ZNF148: variants seen among roughly 807,000 people sequenced by gnomAD.
ZNF148 encodes zinc finger protein 148, also known as Beta-Enolase Repressor Factor-1.
Under a neutral mutation model 67.7 loss-of-function variants are expected in ZNF148, and 7 were observed. The ratio of observed to expected loss-of-function variants is 0.10; its 90% CI spans 0.06 to 0.19. ZNF148 has a LOEUF of 0.19. Among genes scored for constraint, ZNF148 ranks in the 10% least tolerant of loss-of-function variants. ZNF148 has a pLI of 1.00. For missense variants in ZNF148, 583 were observed against 947.1 expected, an observed-to-expected ratio of 0.62 and a Z score of 5.05; for synonymous variants, 333 against 330.7, an observed-to-expected ratio of 1.01 and a Z score of -0.08.
rs749851137 is a variant in ZNF148 at position 125,232,763 on chromosome 3, G to A, written c.1963C>T (p.Pro655Ser). The A allele has an allele frequency of 3.7e-6, 6 of 1,613,778 alleles. No homozygotes were observed. The highest frequency in any genetic ancestry group is 5.1e-6 in the Non-Finnish European group (6 of 1,179,852). The change falls in exon 9 of 9, where the codon CCC becomes TCC. Residue 655 changes from proline (P) to serine (S), a missense_variant. Physicochemically the swap from Pro to Ser is moderately conservative, Grantham distance 74. Coordinates refer to ENST00000360647, the MANE Select transcript of ZNF148 (RefSeq NM_021964.3). This position sits in a 1 kb window ranked among gnomAD's most constrained non-coding sequence, Gnocchi z 4.2. ...SIDKQVYATMPINSFRSGMNS... is the reference protein window; with the variant it reads ...SIDKQVYATMSINSFRSGMNS... ...ATTCCTGATCGAAAGCTATTGATGGGCATGGTGGCATAGACCTGCTTGTCT... is the reference window on the plus strand; with the variant it reads ...ATTCCTGATCGAAAGCTATTGATGGACATGGTGGCATAGACCTGCTTGTCT...
At chr3:125,279,051 C>A in intron 6 of ZNF148, 73 bp downstream of exon 6, 1 of 1,430,372 alleles carries the variant, frequency 7.0e-7, no homozygotes, top group South Asian at 1.6e-5. Flanking sequence ...GAATGAATGA[C>A]AGTTACACGA....
intron 7 of ZNF148, among the ~76,000 whole-genome samples, chr3:125,276,916 G>A (rs998529923): frequency 1.3e-5 from 2 of 152,136 alleles, no homozygotes; most frequent in Non-Finnish European, 2.9e-5. Context: ...ACTTGCTTGA[G>A]TACTTAAAAC....
At chr3:125,364,373 G>A (rs1942639078) in intron 1 of ZNF148, among the ~76,000 whole-genome samples, 1 of 152,088 alleles carries the variant, frequency 6.6e-6, no homozygotes, top group African/African-American at 2.4e-5. Context: ...CAGCCTGGGT[G>A]AGTGAGACTC....
At chr3:125,321,048 T>A (rs1031006719) in intron 3 of ZNF148, among the ~76,000 whole-genome samples, 4 of 152,168 alleles carry the variant, frequency 2.6e-5, no homozygotes, top group African/African-American at 9.6e-5. Context: ...CCTTGAAAAG[T>A]ATAGTTTTGA....
chr3:125,245,914 G>A (rs1227747380), intron 7 of ZNF148, among the ~76,000 whole-genome samples: 3 of 152,098 alleles, frequency 2.0e-5, no homozygotes, highest in Non-Finnish European at 4.4e-5. Context: ...TTAAAACAGG[G>A]TCCTCTATTC....
chr3:125,345,552 GC>G (rs1390325143), intron 1 of ZNF148, among the ~76,000 whole-genome samples: 4 of 149,590 alleles, frequency 2.7e-5, no homozygotes, highest in African/African-American at 9.9e-5. Flanking sequence ...AATCAATTAA[GC>G]AAAAAATTTG....
chr3:125,232,745 A>G lies in ZNF148; in HGVS notation c.1981T>C (p.Ser661Pro), dbSNP rs751543239. 1 of 1,613,750 alleles carries G rather than the reference A, an allele frequency of 6.2e-7. No individual in the cohort carries two copies. ...YATMPINSFR[S>P]GMNSPLRTTP... The stretch of plus-strand genomic sequence containing the variant: ...GTTCTTAGTGGAGAATTCATTCCTG[A>G]TCGAAAGCTATTGATGGGCATGGTG... Residue 661 changes from serine (S) to proline (P), a missense_variant, in exon 9 of 9, where the codon TCA (serine) becomes CCA (proline). Around this residue, in one of 5 missense-constraint regions of ZNF148, gnomAD observed 158 missense variants for 208.4 expected, o/e 0.76. Transcript: ENST00000360647. This position sits in a 1 kb window ranked among gnomAD's most constrained non-coding sequence, Gnocchi z 4.2.
chr3:125,352,497 T>G (rs1358706660), intron 1 of ZNF148, among the ~76,000 whole-genome samples: 1 of 152,118 alleles, frequency 6.6e-6, no homozygotes, highest in Non-Finnish European at 1.5e-5. Context: ...TGAAAACAAC[T>G]GAACTGTATA....
intron 7 of ZNF148, among the ~76,000 whole-genome samples, chr3:125,276,635 T>C (rs1938090466): frequency 6.6e-6 from 1 of 152,026 alleles, no homozygotes; most frequent in Admixed American, 6.6e-5. Context: ...GTTTCTTCCA[T>C]GTTGGTCAGG....
chr3:125,314,833 G>A (rs1982491), intron 3 of ZNF148: 117,340 of 152,202 alleles, frequency 0.77, 45,773 homozygotes, highest in African/African-American at 0.85. Context: ...CGAGGCGGGC[G>A]TATCGCTTGA....
At chr3:125,255,001 T>G (rs1937008668) in intron 7 of ZNF148, among the ~76,000 whole-genome samples, 2 of 152,156 alleles carry the variant, frequency 1.3e-5, no homozygotes, top group Non-Finnish European at 1.5e-5. Context: ...CTTTTAGTGA[T>G]TATACAGAAA....
chr3:125,344,685 C>T lies in ZNF148; in HGVS notation c.-233-13447G>A, dbSNP rs1579860274. On this transcript the variant is annotated intron_variant, in intron 1 of 8. Coordinates refer to ENST00000360647, the MANE Select transcript of ZNF148 (RefSeq NM_021964.3). ...TGTTTTGATTTTCTCTCTGCTTCTT[C>T]TTTATTCTCAGGAATCTGGGTGCCA... is the stretch of plus-strand genomic sequence containing the variant. The T allele has an allele frequency of 9.4e-6, 6 of 639,950 alleles. No individual in the cohort carries two copies. In the East Asian group the frequency reaches 1.7e-4, roughly 18 times the overall value. 39.6% of individuals were successfully genotyped at this position (639,950 alleles called of 1,614,324 possible). A position where few individuals can be genotyped will look rare whatever the true frequency, so the allele number is the denominator to read the frequency against.
chr3:125,234,028 T>A, intron 8 of ZNF148, 89 bp from the exon 9 acceptor site: 1 of 1,440,858 alleles, frequency 6.9e-7, no homozygotes. Flanking sequence ...AATATAAAGA[T>A]ATATTAATGC....
chr3:125,278,706 G>A (rs1050011335), intron 6 of ZNF148, among the ~76,000 whole-genome samples: 1 of 151,932 alleles, frequency 6.6e-6, no homozygotes, highest in Non-Finnish European at 1.5e-5. Context: ...TTACCCAAAG[G>A]TCTGTCATCT....
chr3:125,338,676 A>C (rs1047896218), intron 1 of ZNF148: 10 of 151,002 alleles, frequency 6.6e-5, no homozygotes, highest in African/African-American at 2.4e-4. Flanking sequence ...AAAAAAAAAA[A>C]AAAAAAACTA....
intron 7 of ZNF148, among the ~76,000 whole-genome samples, chr3:125,248,635 T>C (rs1051107973): frequency 6.6e-6 from 1 of 152,252 alleles, no homozygotes; most frequent in African/African-American, 2.4e-5. Flanking sequence ...ACTATTATTC[T>C]GCCACAATAA....
intron 7 of ZNF148, among the ~76,000 whole-genome samples, chr3:125,244,229 A>C (rs1936494397): frequency 6.6e-6 from 1 of 152,140 alleles, no homozygotes; most frequent in African/African-American, 2.4e-5. Flanking sequence ...CATTGCACAC[A>C]ATCAGCTGTT....
intron 1 of ZNF148, among the ~76,000 whole-genome samples, chr3:125,363,657 CT>C (rs34792480): frequency 0.037 from 5,440 of 147,608 alleles, 142 homozygotes; most frequent in South Asian, 0.09. Flanking sequence ...ATACTTCACA[CT>C]TTTTTTTTTT....
intron 1 of ZNF148, 97 bp downstream of exon 1, chr3:125,375,005 G>A (rs1431822457): frequency 1.3e-5 from 2 of 151,512 alleles, no homozygotes; most frequent in African/African-American, 4.8e-5. Flanking sequence ...CTCCCCCCGG[G>A]GTCAGGCCGT....
Sources: allele counts gnomAD v4.1 joint callset (sites outside exome capture counted in the v4.1 genomes callset), GRCh38; gene constraint gnomAD v4.1.1; regional missense constraint gnomAD v4.1.1; non-coding constraint Gnocchi (gnomAD v3.1); transcripts MANE v1.5; gene names NCBI Gene and HGNC (gene_info 2026-07-23, HGNC 2026-07-21).